The following MNAT1 variants were observed in gnomAD, a reference collection of about 807,000 sequenced individuals.
MNAT1 encodes the protein MNAT1 component of CDK activating kinase.
A neutral mutation model predicts 42.0 loss-of-function variants in MNAT1; 43 were observed. That is an observed-to-expected ratio of 1.02 (90% confidence interval 0.80 to 1.32). The LOEUF is 1.32. MNAT1 is among the 40% of genes most tolerant of loss of function. The pLI, the probability that MNAT1 is intolerant of heterozygous loss-of-function variation, is 0.00. For missense variants in MNAT1, 306 were observed against 350.4 expected (o/e 0.87, Z 1.01); for synonymous variants, 118 against 120.0 (o/e 0.98, Z 0.11).
chr14:60,895,213 T>C (rs1469572555), intron 7 of MNAT1, among the ~76,000 whole-genome samples: 1 of 152,228 alleles, frequency 6.6e-6, no homozygotes. Flanking sequence ...AACTTTCTTT[T>C]CTGGAATTAT....
At chr14:60,779,232 A>G (rs1406820301) in intron 1 of MNAT1, among the ~76,000 whole-genome samples, 1 of 152,204 alleles carries the variant, frequency 6.6e-6, no homozygotes, top group Non-Finnish European at 1.5e-5. Context: ...TCCTAAGCCC[A>G]TTATTTTAAT....
intron 6 of MNAT1, among the ~76,000 whole-genome samples, chr14:60,878,063 AAAAAAC>A (rs1022664297): frequency 3.3e-5 from 5 of 152,266 alleles, no homozygotes; most frequent in East Asian, 1.9e-4. Context: ...GAGCTTTCAA[AAAAAAC>A]AAAAACAAAA....
intron 6 of MNAT1, among the ~76,000 whole-genome samples, chr14:60,856,570 C>T (rs182291317): frequency 1.3e-5 from 2 of 152,078 alleles, no homozygotes; most frequent in Non-Finnish European, 2.9e-5. Flanking sequence ...ATTTTTGTAG[C>T]TAAAGAGAAG....
At chr14:60,904,383 G>T (rs1472102476) in intron 7 of MNAT1, among the ~76,000 whole-genome samples, 1 of 151,718 alleles carries the variant, frequency 6.6e-6, no homozygotes, top group Non-Finnish European at 1.5e-5. Flanking sequence ...TTTTTTGTTT[G>T]TTTGTTTTTG....
At chr14:60,938,446 A>G (rs1052821373) in intron 7 of MNAT1, among the ~76,000 whole-genome samples, 2 of 152,090 alleles carry the variant, frequency 1.3e-5, no homozygotes, top group African/African-American at 4.8e-5. Flanking sequence ...AGTGTTGTTG[A>G]GTTTTGTCAA....
intron 1 of MNAT1, among the ~76,000 whole-genome samples, chr14:60,747,875 C>G (rs2029899745): frequency 1.3e-5 from 2 of 152,116 alleles, no homozygotes; most frequent in Admixed American, 1.3e-4. Flanking sequence ...TGTCCTTATT[C>G]TATAAGACTT....
At chr14:60,915,352 A>G (rs2035489299) in intron 7 of MNAT1, among the ~76,000 whole-genome samples, 1 of 152,122 alleles carries the variant, frequency 6.6e-6, no homozygotes, top group Admixed American at 6.6e-5. Context: ...CGTTTTGAAA[A>G]TTGAGTCATC....
intron 7 of MNAT1, among the ~76,000 whole-genome samples, chr14:60,909,536 A>G (rs926503957): frequency 2.6e-5 from 4 of 152,148 alleles, no homozygotes; most frequent in Non-Finnish European, 5.9e-5. Context: ...TCAGCTTTCT[A>G]CATATGGTTA....
At chr14:60,769,389 A>G (rs2140305890) in intron 1 of MNAT1, among the ~76,000 whole-genome samples, 1 of 152,200 alleles carries the variant, frequency 6.6e-6, no homozygotes, top group East Asian at 1.9e-4. Flanking sequence ...TTCCTGCCTC[A>G]GCCTCCCATG....
intron 7 of MNAT1, among the ~76,000 whole-genome samples, chr14:60,948,929 A>T (rs1386867736): frequency 6.6e-6 from 1 of 151,630 alleles, no homozygotes; most frequent in Non-Finnish European, 1.5e-5. Flanking sequence ...GCAAGATAAG[A>T]TGATTTCAAA....
rs1896437605 is a variant in MNAT1 at position 60,740,686 on chromosome 14, A to G, written c.89+5735A>G. Among the ~76,000 whole-genome samples, 1 of 152,148 alleles carries G rather than the reference A, an allele frequency of 6.6e-6. No individual in the cohort carries two copies. Among genetic ancestry groups the G allele is most frequent in the African/African-American group, 2.4e-5 (1 of 41,434 alleles). ...GATTTAGAACAGGAACATTCTAGAT[A>G]TATTATTTTATAATTTTCTGTTGTG... On this transcript the variant is annotated intron_variant, in intron 1 of 7. Transcript: ENST00000261245. This position sits in a 1 kb window ranked among gnomAD's most constrained non-coding sequence, Gnocchi z 4.1.
intron 6 of MNAT1, among the ~76,000 whole-genome samples, chr14:60,837,054 TG>T (rs1414771359): frequency 6.6e-6 from 1 of 152,172 alleles, no homozygotes; most frequent in Non-Finnish European, 1.5e-5. Context: ...GCCTAAGTAA[TG>T]ATGGATGCCC....
At chr14:60,825,510 G>A (rs1028729474) in intron 6 of MNAT1, among the ~76,000 whole-genome samples, 2 of 152,140 alleles carry the variant, frequency 1.3e-5, no homozygotes, top group African/African-American at 4.8e-5. Context: ...TCTGGCTGCT[G>A]GATATGCAAG....
At chr14:60,890,915 C>T (rs1226769294) in intron 7 of MNAT1, among the ~76,000 whole-genome samples, 1 of 152,188 alleles carries the variant, frequency 6.6e-6, no homozygotes, top group Non-Finnish European at 1.5e-5. Context: ...ACTTTGCATC[C>T]TTCCATCCAA....
At chr14:60,791,387 A>T (rs528021068) in intron 1 of MNAT1, among the ~76,000 whole-genome samples, 6 of 152,244 alleles carry the variant, frequency 3.9e-5, no homozygotes, top group African/African-American at 1.2e-4. Context: ...CTACCTGTGG[A>T]TGAATTCTTT....
intron 4 of MNAT1, 186 bp downstream of exon 4, chr14:60,808,614 A>T (rs2139347299): frequency 5.1e-6 from 2 of 395,906 alleles, no homozygotes; most frequent in East Asian, 9.4e-5. Context: ...TGTAGCAAAA[A>T]CCACTTTGAC....
chr14:60,879,942 T>A, intron 7 of MNAT1, 107 bp downstream of exon 7: 1 of 1,309,460 alleles, frequency 7.6e-7, no homozygotes, highest in South Asian at 1.6e-5. Context: ...AGAACTTTAC[T>A]GTTTTGTGAA....
At chr14:60,905,946 A>G (rs1334482397) in intron 7 of MNAT1, among the ~76,000 whole-genome samples, 1 of 152,230 alleles carries the variant, frequency 6.6e-6, no homozygotes, top group African/African-American at 2.4e-5. Flanking sequence ...TCAAGTTGAC[A>G]CATAAAATTC....
Position 60,969,246 on chromosome 14 carries a change from T to C in MNAT1, c.*897T>C, listed in dbSNP as rs1267993962. On this transcript the variant is annotated 3_prime_UTR_variant, in exon 8 of 8. Transcript: ENST00000261245. Reference sequence around the variant, plus strand: ...AAGAGTTTAGATATGAATAGGATGATATTGCAGCATCTCAACCTTGTATGA... The same window carrying C: ...AAGAGTTTAGATATGAATAGGATGACATTGCAGCATCTCAACCTTGTATGA... 1 of 152,204 alleles carries C rather than the reference T, an allele frequency of 6.6e-6. No individual in the cohort carries two copies. Among genetic ancestry groups the C allele is most frequent in the Non-Finnish European group, 1.5e-5 (1 of 68,028 alleles). The allele number at this position is 152,204 out of a possible 1,614,324, so 9.4% of individuals were successfully genotyped here.
Sources: gnomAD v4.1 joint callset for allele counts (sites outside exome capture counted in the v4.1 genomes callset) on GRCh38, gnomAD v4.1.1 for gene constraint, Gnocchi (gnomAD v3.1) non-coding constraint, MANE v1.5 for transcripts, NCBI Gene and HGNC (gene_info 2026-07-23, HGNC 2026-07-21) for gene names.